The following ICE2 variants were observed in gnomAD, a reference collection of about 807,000 sequenced individuals.
ICE2 encodes interactor of little elongation complex ELL subunit 2.
A neutral mutation model predicts 105.4 loss-of-function variants in ICE2; 87 were observed. The ratio of observed to expected loss-of-function variants is 0.83; its 90% CI spans 0.69 to 0.99. ICE2 has a LOEUF of 0.99. ICE2 is among the 50% of genes least tolerant of loss of function. The pLI, the probability that ICE2 is intolerant of heterozygous loss-of-function variation, is 0.00. For missense variants in ICE2, 1,323 were observed against 1,146.7 expected (o/e 1.15, Z -2.22); for synonymous variants, 399 against 392.0 (o/e 1.02, Z -0.21).
At chr15:60,438,750 T>G (rs1442245945) in intron 12 of ICE2, 1 of 152,216 alleles carries the variant, frequency 6.6e-6, no homozygotes, top group Non-Finnish European at 1.5e-5. Context: ...CTCTCAACAT[T>G]GGAGCTTTCT....
intron 12 of ICE2, 50 bp from the exon 13 acceptor site, chr15:60,436,277 A>G (rs752032933): frequency 4.0e-6 from 2 of 501,828 alleles, no homozygotes; most frequent in Admixed American, 4.4e-5. Context: ...CAGTATTTAG[A>G]AAAAAAAAAA....
intron 11 of ICE2, among the ~76,000 whole-genome samples, chr15:60,446,588 G>T (rs540536914): frequency 1.3e-5 from 2 of 152,010 alleles, no homozygotes; most frequent in Non-Finnish European, 1.5e-5. Context: ...GTAGAGAGGG[G>T]GTTTCACTAT....
chr15:60,441,433 T>G (rs935441376), intron 12 of ICE2: 2 of 152,232 alleles, frequency 1.3e-5, no homozygotes, highest in Non-Finnish European at 2.9e-5. Context: ...ATAGGATTTA[T>G]TACATACAAG....
intron 14 of ICE2, among the ~76,000 whole-genome samples, chr15:60,431,597 T>A (rs537952003): frequency 6.6e-6 from 1 of 152,318 alleles, no homozygotes; most frequent in African/African-American, 2.4e-5. Flanking sequence ...CCTTGACTTT[T>A]ACCCGGTAAA....
chr15:60,448,837 T>C lies in ICE2; in HGVS notation c.2119+11A>G. On this transcript the variant is annotated intron_variant, in intron 10 of 15. Coordinates refer to ENST00000261520, the MANE Select transcript of ICE2 (RefSeq NM_024611.6). ...TAAAACACTGTAAGCTCTTTGTAAA[T>C]ATTTACTTACGTCCTTTTGGCTTCT... The C allele has an allele frequency of 6.4e-7, 1 of 1,562,392 alleles. No homozygotes were observed. Among genetic ancestry groups the C allele is most frequent in the Non-Finnish European group, 8.6e-7 (1 of 1,160,470 alleles).
chr15:60,428,771 A>C, intron 14 of ICE2, 84 bp from the exon 15 acceptor site: 1 of 1,404,830 alleles, frequency 7.1e-7, no homozygotes, highest in Non-Finnish European at 9.7e-7. Flanking sequence ...TATTAGTAAA[A>C]TTGAAAATTA....
chr15:60,475,109 C>T (rs577514504), intron 3 of ICE2, among the ~76,000 whole-genome samples: 14 of 152,194 alleles, frequency 9.2e-5, no homozygotes, highest in East Asian at 1.9e-4. Context: ...AAAGGAGAAA[C>T]GAAGAAAGTA....
At chr15:60,426,431 C>T (rs2063339759) in intron 15 of ICE2, among the ~76,000 whole-genome samples, 2 of 152,170 alleles carry the variant, frequency 1.3e-5, no homozygotes, top group South Asian at 2.1e-4. Flanking sequence ...ACTACACCCT[C>T]TAGGTTTGTG....
intron 2 of ICE2, among the ~76,000 whole-genome samples, chr15:60,477,229 G>T (rs930450502): frequency 2.3e-4 from 35 of 152,146 alleles, no homozygotes; most frequent in Non-Finnish European, 2.9e-5. Context: ...AAATTCTTAA[G>T]TTTCTGCACA....
At chr15:60,435,604 A>G (rs58914952) in intron 13 of ICE2, among the ~76,000 whole-genome samples, 29 of 70,724 alleles carry the variant, frequency 4.1e-4, no homozygotes, top group East Asian at 3.7e-3. Context: ...TGTCTCAAAA[A>G]AAAAAAAAAA....
At chr15:60,470,767 T>C (rs1191176606) in intron 3 of ICE2, among the ~76,000 whole-genome samples, 1 of 152,204 alleles carries the variant, frequency 6.6e-6, no homozygotes, top group Admixed American at 6.5e-5. Flanking sequence ...CATAATGCAG[T>C]AGTCTATGAG....
intron 11 of ICE2, among the ~76,000 whole-genome samples, chr15:60,446,719 T>C (rs2063830578): frequency 6.6e-6 from 1 of 152,112 alleles, no homozygotes; most frequent in South Asian, 2.1e-4. Flanking sequence ...TATGATACAG[T>C]AGTCAGGAAG....
At chr15:60,451,658 G>C in intron 9 of ICE2, 2 of 968,674 alleles carry the variant, frequency 2.1e-6, no homozygotes, top group Non-Finnish European at 2.5e-6. Context: ...CCAAGTTCAG[G>C]GCCTGAAAAC....
In ICE2 at chr15:60,421,826, T is replaced by C. The variant is rs2063244563; in HGVS notation, c.*1808A>G. ...GGAATGGCAGGATGAGGAAATGATTTATCAAGATACAATTTTACTAATAAT... is the reference window on the plus strand; with the variant it reads ...GGAATGGCAGGATGAGGAAATGATTCATCAAGATACAATTTTACTAATAAT... On this transcript the variant is annotated 3_prime_UTR_variant, in exon 16 of 16. Coordinates refer to ENST00000261520, the MANE Select transcript of ICE2 (RefSeq NM_024611.6). The C allele has an allele frequency of 6.6e-6, 1 of 152,190 alleles. No homozygotes were observed. Among genetic ancestry groups the C allele is most frequent in the East Asian group, 1.9e-4 (1 of 5,202 alleles). The allele number at this position is 152,190 out of a possible 1,614,324, so 9.4% of individuals were successfully genotyped here.
intron 3 of ICE2, among the ~76,000 whole-genome samples, chr15:60,475,470 A>G (rs4492987): frequency 0.026 from 3,905 of 152,222 alleles, 148 homozygotes; most frequent in African/African-American, 0.084. Context: ...AAAAAAAAAG[A>G]AGAAAAGGGA....
chr15:60,459,842 C>A (rs2064225004), intron 5 of ICE2, among the ~76,000 whole-genome samples: 1 of 151,748 alleles, frequency 6.6e-6, no homozygotes, highest in Non-Finnish European at 1.5e-5. Context: ...TCCAAACCAA[C>A]AGAGAGGGGG....
chr15:60,466,494 C>A (rs747629371), intron 5 of ICE2, 100 bp downstream of exon 5: 7 of 1,379,864 alleles, frequency 5.1e-6, no homozygotes, highest in Non-Finnish European at 7.0e-6. Context: ...ATTGGTAACA[C>A]TGACAGTTCC....
intron 12 of ICE2, 78 bp from the exon 13 acceptor site, chr15:60,436,305 C>A (rs769242301): frequency 3.1e-5 from 15 of 490,960 alleles, no homozygotes; most frequent in Non-Finnish European, 3.9e-5. Flanking sequence ...TATCCTGTCT[C>A]CTTAAAGATT....
intron 12 of ICE2, 117 bp from the exon 13 acceptor site, chr15:60,436,344 T>G (rs1205674896): frequency 2.2e-6 from 1 of 448,118 alleles, no homozygotes; most frequent in African/African-American, 2.0e-5. Flanking sequence ...GAAGAAATTT[T>G]ACATTTTAAA....
Sources: allele counts gnomAD v4.1 joint callset (sites outside exome capture counted in the v4.1 genomes callset), GRCh38; gene constraint gnomAD v4.1.1; transcripts MANE v1.5; gene names NCBI Gene and HGNC (gene_info 2026-07-23, HGNC 2026-07-21).